AIFM1: variants seen among roughly 807,000 people sequenced by gnomAD.
The protein encoded by AIFM1 is apoptosis-inducing factor 1, mitochondrial.
Under a neutral mutation model 51.7 loss-of-function variants are expected in AIFM1, and 3 were observed. The ratio of observed to expected loss-of-function variants is 0.06; its 90% confidence interval spans 0.03 to 0.15. The LOEUF is 0.15. AIFM1 is among the 10% of genes least tolerant of loss of function. The pLI, the probability that AIFM1 is intolerant of heterozygous loss-of-function variation, is 1.00. For missense variants in AIFM1, 330 were observed against 476.8 expected (o/e 0.69, Z 2.87); for synonymous variants, 178 against 179.4 (o/e 0.99, Z 0.06).
At chrX:130,161,553 T>C (rs2031353048) in intron 1 of AIFM1, among the ~76,000 whole-genome samples, 1 of 105,841 alleles carries the variant, frequency 9.4e-6, no homozygotes, top group Non-Finnish European at 1.9e-5. Flanking sequence ...GCCTAGATAG[T>C]CTGTCCATTG....
In AIFM1 at chrX:130,156,648, T is replaced by C. The variant is rs199865472; in HGVS notation, c.107-45A>G. On this transcript the variant is annotated intron_variant, in intron 1 of 15. Transcript: ENST00000287295. ...AAGACACACACATACAAAAATAAAA[T>C]AGTTAATACATATTTATGATTAAAT... 16 of 1,158,040 alleles carry C rather than the reference T, an allele frequency of 1.4e-5. No individual in the cohort carries two copies. The South Asian group carries it at 2.2e-4, about 16-fold the overall frequency.
chrX:130,129,507 C>T lies in AIFM1; in HGVS notation c.*50G>A, dbSNP rs766969634. Reference sequence around the variant, plus strand: ...ATAAAAAAATGCTCCTTTACCCATTCGACCTCCTCTCAGGGGCTGCAGTGG... The same window carrying T: ...ATAAAAAAATGCTCCTTTACCCATTTGACCTCCTCTCAGGGGCTGCAGTGG... On this transcript the variant is annotated 3_prime_UTR_variant, in exon 16 of 16. Transcript: ENST00000287295. The T allele has an allele frequency of 6.6e-5, 72 of 1,091,121 alleles. No homozygotes were observed. The highest frequency in any genetic ancestry group is 7.9e-5 in the Non-Finnish European group (62 of 786,777). 89.9% of individuals were successfully genotyped at this position (1,091,121 alleles called of 1,213,427 possible). A position where few individuals can be genotyped will look rare whatever the true frequency, so the allele number is the denominator to read the frequency against.
At chrX:130,137,237 G>C (rs889377607) in intron 9 of AIFM1, 52 bp from the exon 10 acceptor site, 33 of 1,206,799 alleles carry the variant, frequency 2.7e-5, no homozygotes, top group Non-Finnish European at 3.6e-5. Context: ...TCAATCCTAG[G>C]AATACAGGAA....
In AIFM1 at chrX:130,153,219, A is replaced by C. The variant is rs941608341; in HGVS notation, c.249+3242T>G. 3.2e-3 allele frequency among the ~76,000 whole-genome samples: 329 copies of C among 104,421 alleles called. 3 individuals carry two copies. The highest frequency in any genetic ancestry group is 0.011 in the African/African-American group (317 of 28,608). The allele number at this position is 104,421 out of a possible 115,157, so 90.7% of individuals were successfully genotyped here. A position where few individuals can be genotyped will look rare whatever the true frequency, so the allele number is the denominator to read the frequency against. ...AAAAAAATTAGCCGGGCATGGTGGCAGGCGCCTGTAGTCCCAGCTACTCCT... is the reference window on the plus strand; with the variant it reads ...AAAAAAATTAGCCGGGCATGGTGGCCGGCGCCTGTAGTCCCAGCTACTCCT... On this transcript the variant is annotated intron_variant, in intron 2 of 15. Coordinates refer to ENST00000287295, the MANE Select transcript of AIFM1 (RefSeq NM_004208.4).
chrX:130,162,230 G>C (rs1325070294), intron 1 of AIFM1, among the ~76,000 whole-genome samples: 2 of 112,013 alleles, frequency 1.8e-5, no homozygotes, highest in Non-Finnish European at 3.8e-5. Flanking sequence ...AAATGAGCTT[G>C]ATACAAATCA....
At chrX:130,145,386 G>C in intron 6 of AIFM1, 93 bp downstream of exon 6, 1 of 686,497 alleles carries the variant, frequency 1.5e-6, no homozygotes, top group East Asian at 3.3e-5. Context: ...ACAATGGCAG[G>C]ACAGACATAA....
intron 2 of AIFM1, chrX:130,155,110 G>A: frequency 8.3e-7 from 1 of 1,202,708 alleles, no homozygotes. Context: ...AGTGCCATGG[G>A]CTCACCCACC....
intron 6 of AIFM1, among the ~76,000 whole-genome samples, chrX:130,144,227 C>G (rs7050171): frequency 0.013 from 1,403 of 111,294 alleles, 20 homozygotes; most frequent in African/African-American, 0.044. Context: ...CTCATCATCT[C>G]TTGCCTAGAT....
Position 130,137,152 on chromosome X carries a change from A to T in AIFM1, c.1001T>A (p.Phe334Tyr). Residue 334 changes from phenylalanine (F) to tyrosine (Y), a missense_variant, in exon 10 of 16, where the codon TTC becomes TAC. Physicochemically the swap from Phe to Tyr is conservative, Grantham distance 22 (BLOSUM62 3). Transcript: ENST00000287295. Reference sequence around the variant, plus strand: ...CTTTCCCATATTTCCTTTCTCGGGGAAGAGTTGAATCACTTCTGTGCCCAA... The same window carrying T: ...CTTTCCCATATTTCCTTTCTCGGGGTAGAGTTGAATCACTTCTGTGCCCAA... ...RALGTEVIQLFPEKGNMGKIL... is the reference protein window; with the variant it reads ...RALGTEVIQLYPEKGNMGKIL... 1.7e-6 allele frequency: 2 copies of T among 1,211,338 alleles called. No individual in the cohort carries two copies. The highest frequency in any genetic ancestry group is 3.5e-5 in the African/African-American group (2 of 57,648).
chrX:130,130,674 C>G (rs2030030227), intron 14 of AIFM1, among the ~76,000 whole-genome samples: 1 of 112,609 alleles, frequency 8.9e-6, no homozygotes, highest in Admixed American at 9.4e-5. Context: ...CTGGACAGAG[C>G]AGAGATGGAA....
chrX:130,159,941 C>T (rs1014889006), intron 1 of AIFM1, among the ~76,000 whole-genome samples: 29 of 110,294 alleles, frequency 2.6e-4, no homozygotes, highest in East Asian at 2.8e-4. Context: ...CAGCCTCAGC[C>T]TCCTGTGTAG....
chrX:130,154,381 C>A (rs1316433186), intron 2 of AIFM1, among the ~76,000 whole-genome samples: 1 of 112,128 alleles, frequency 8.9e-6, no homozygotes, highest in South Asian at 3.7e-4. Flanking sequence ...TACCAACATA[C>A]TGAACACAAA....
At position 130,137,635 on chromosome X, in the gene AIFM1, C is replaced by T. The variant is rs191791972; in HGVS notation, c.968-450G>A. 5.3e-5 allele frequency: 59 copies of T among 1,116,705 alleles called. No individual in the cohort carries two copies. In the East Asian group the frequency reaches 1.3e-3, roughly 24 times the overall value. The allele number at this position is 1,116,705 out of a possible 1,213,427, so 92.0% of individuals were successfully genotyped here. A position where few individuals can be genotyped will look rare whatever the true frequency, so the allele number is the denominator to read the frequency against. On this transcript the variant is annotated intron_variant, in intron 9 of 15. Transcript: ENST00000287295. ...GCCCAAAGAAGTTTTTGGCATTTTA[C>T]AGGAAGCAGCAGTTCAAAGACACCC...
chrX:130,139,577 A>T (rs944167371), intron 8 of AIFM1, among the ~76,000 whole-genome samples: 1 of 111,307 alleles, frequency 9.0e-6, no homozygotes, highest in Non-Finnish European at 1.9e-5. Context: ...TGCAAGCAAT[A>T]CAAACACTCC....
intron 5 of AIFM1, among the ~76,000 whole-genome samples, chrX:130,146,776 C>A (rs1400539617): frequency 1.8e-5 from 2 of 111,291 alleles, no homozygotes; most frequent in Non-Finnish European, 3.8e-5. Flanking sequence ...CTACTCTACT[C>A]CTGAAATTCT....
chrX:130,159,601 A>C lies in AIFM1; in HGVS notation c.107-2998T>G, dbSNP rs757216574. ...ACCCCTGGTTCATTTACTAAAAATA[A>C]ATTTTTTTTGTTTTTGTTTTTCTTT... is the stretch of plus-strand genomic sequence containing the variant. On this transcript the variant is annotated intron_variant, in intron 1 of 15. Transcript: ENST00000287295. Among the ~76,000 whole-genome samples the C allele has an allele frequency of 2.7e-5, 3 of 110,675 alleles. No individual in the cohort carries two copies. The East Asian group carries it at 8.4e-4, about 31-fold the overall frequency.
At chrX:130,147,940 T>TA (rs747896035) in intron 3 of AIFM1, 64 bp from the exon 4 acceptor site, 326 of 1,179,010 alleles carry the variant, frequency 2.8e-4, no homozygotes, top group Non-Finnish European at 3.5e-4. Flanking sequence ...TTGCCACTGT[T>TA]AAAAAAAAAT....
In AIFM1 at chrX:130,163,951, C is replaced by T. The variant is rs1252916727; in HGVS notation, c.106+1600G>A. ...TGGGCGGATCACGAGGTCAGGAGAT[C>T]GAGACCATCCTGGTTAACATGGTGA... On this transcript the variant is annotated intron_variant, in intron 1 of 15. Coordinates refer to ENST00000287295, the MANE Select transcript of AIFM1 (RefSeq NM_004208.4). 8.8e-5 allele frequency among the ~76,000 whole-genome samples: 9 copies of T among 102,369 alleles called. 1 individual carries two copies. Among genetic ancestry groups the T allele is most frequent in the Admixed American group, 7.6e-4 (7 of 9,224 alleles). 88.9% of individuals were successfully genotyped at this position (102,369 alleles called of 115,157 possible). A position where few individuals can be genotyped will look rare whatever the true frequency, so the allele number is the denominator to read the frequency against.
In AIFM1 at chrX:130,136,114, C is replaced by T. The variant is rs1308631951; in HGVS notation, c.1236G>A (p.Leu412=). 3.3e-6 allele frequency: 4 copies of T among 1,211,803 alleles called. No homozygotes were observed. The highest frequency in any genetic ancestry group is 1.1e-6 in the Non-Finnish European group (1 of 895,429). ...AGCCACCAAAATCTGAGTCTATTTCCAGGCCACCAGTCTTGGCCAACTCAA... is the reference window on the plus strand; with the variant it reads ...AGCCACCAAAATCTGAGTCTATTTCTAGGCCACCAGTCTTGGCCAACTCAA... ...PNVELAKTGG[L]EIDSDFGGFR... The change falls in exon 12 of 16, where the codon CTG becomes CTA. Residue 412 remains leucine, a synonymous_variant. Transcript: ENST00000287295.
Sources: allele counts gnomAD v4.1 joint callset (sites outside exome capture counted in the v4.1 genomes callset), GRCh38; gene constraint gnomAD v4.1.1; transcripts MANE v1.5; gene names NCBI Gene and HGNC (gene_info 2026-07-23, HGNC 2026-07-21).